The following PML variants were observed in gnomAD, a reference collection of about 807,000 sequenced individuals.
PML encodes the protein protein PML.
A neutral mutation model predicts 65.2 loss-of-function variants in PML; 28 were observed. The observed-to-expected ratio is 0.43, with a 90% CI of 0.32 to 0.59. The LOEUF (loss-of-function observed/expected upper bound fraction) is 0.59, where lower values mean the gene tolerates loss of function less well. Among genes scored for constraint, PML ranks in the 20% least tolerant of loss-of-function variants. The probability of loss-of-function intolerance (pLI) is 0.08; values close to 1 mark genes in which losing one functional copy is unlikely to be tolerated. For missense variants in PML, 1,021 were observed against 1,203.4 expected, an observed-to-expected ratio of 0.85 and a Z score of 2.24; for synonymous variants, 500 against 508.8, an observed-to-expected ratio of 0.98 and a Z score of 0.23.
Position 74,022,948 on chromosome 15 carries a change from C to T in PML, c.723C>T (p.Asp241=), listed in dbSNP as rs527374805. Residue 241 remains aspartate (D), a synonymous_variant, in exon 3 of 9, where the codon GAC becomes GAT. Transcript: ENST00000268058. ...AEIQQRQEEL[D]AMTQALQEQD... ...TCCAGCAGCGACAGGAGGAGCTGGACGCCATGACGCAGGCGCTGCAGGAGC... is the reference window on the plus strand; with the variant it reads ...TCCAGCAGCGACAGGAGGAGCTGGATGCCATGACGCAGGCGCTGCAGGAGC... The T allele has an allele frequency of 4.2e-5, 67 of 1,611,264 alleles. No homozygotes were observed. In the South Asian group the frequency reaches 6.7e-4, roughly 16 times the overall value.
At chr15:74,034,667 G>C in intron 7 of PML, 137 bp downstream of exon 7, 2 of 1,586,416 alleles carry the variant, frequency 1.3e-6, no homozygotes, top group Non-Finnish European at 1.7e-6. Flanking sequence ...GTCCCAAGCT[G>C]TGCTGAGGAC....
chr15:74,029,400 G>C (rs2071219573), intron 4 of PML, among the ~76,000 whole-genome samples: 1 of 152,170 alleles, frequency 6.6e-6, no homozygotes, highest in African/African-American at 2.4e-5. Flanking sequence ...GAGGCAAGTG[G>C]ATCACCTGAG....
At position 74,044,811 on chromosome 15, in the gene PML, G is replaced by C. The variant is rs754603424; in HGVS notation, c.2452G>C (p.Gly818Arg). 4 of 1,613,212 alleles carry C rather than the reference G, an allele frequency of 2.5e-6. No individual in the cohort carries two copies. Among genetic ancestry groups the C allele is most frequent in the Admixed American group, 3.3e-5 (2 of 60,034 alleles). The change falls in exon 9 of 9, where the codon GGG becomes CGG. Residue 818 changes from glycine (G) to arginine (R), a missense_variant. Physicochemically the swap from Gly to Arg is moderately radical, Grantham distance 125. Transcript: ENST00000268058. ...GAGTGCACACCGCCGTGACCGGCAG[G>C]GGGGCCTGAAGAAGTACAGCCGCTA... The part of the protein sequence containing the change: ...LLSAHRRDRQ[G>R]GLKKYSRYLS...
chr15:74,016,296 A>T (rs896308252), intron 2 of PML, among the ~76,000 whole-genome samples: 4 of 151,908 alleles, frequency 2.6e-5, no homozygotes, highest in African/African-American at 4.8e-5. Context: ...AATAAATAAA[A>T]ATAAATAAAT....
rs897504632 is a variant in PML, at chr15:74,008,656, G to A, written c.602+10180G>A. 4.6e-5 allele frequency among the ~76,000 whole-genome samples: 7 copies of A among 151,864 alleles called. 1 individual carries two copies. In the East Asian group the frequency reaches 5.8e-4, roughly 13 times the overall value. ...TAGGAGGCTGAGGCGGGAGAATGGCGTGAACCCAGGAGGCGGAGCTTGCAG... is the reference window on the plus strand; with the variant it reads ...TAGGAGGCTGAGGCGGGAGAATGGCATGAACCCAGGAGGCGGAGCTTGCAG... On this transcript the variant is annotated intron_variant, in intron 2 of 8. Transcript: ENST00000268058.
intron 2 of PML, among the ~76,000 whole-genome samples, chr15:74,003,111 G>A (rs1411077901): frequency 6.6e-6 from 1 of 151,806 alleles, no homozygotes; most frequent in East Asian, 1.9e-4. Context: ...TCCAGCCTGG[G>A]TGACACAATG....
intron 1 of PML, among the ~76,000 whole-genome samples, chr15:73,995,801 C>A (rs996374073): frequency 2.0e-5 from 3 of 152,308 alleles, no homozygotes; most frequent in African/African-American, 7.2e-5. Context: ...GTCGCCCAGG[C>A]TGGAGTGCAA....
In PML at chr15:74,035,631, C is replaced by T. The variant is rs377295816; in HGVS notation, c.1710+1101C>T. On this transcript the variant is annotated intron_variant, in intron 7 of 8. Coordinates refer to ENST00000268058, the MANE Select transcript of PML (RefSeq NM_033238.3). This position sits in a 1 kb window ranked among gnomAD's most constrained non-coding sequence, Gnocchi z 4.1. ...GCAAAGGGGCATCAGCCCACCCCAC[C>T]GGATACGAGGGGCTGTGCGATCCCG... 3.7e-6 allele frequency: 6 copies of T among 1,613,840 alleles called. No individual in the cohort carries two copies. The highest frequency in any genetic ancestry group is 1.6e-4 in the Middle Eastern group (1 of 6,062).
At chr15:74,018,504 T>C (rs1308238567) in intron 2 of PML, among the ~76,000 whole-genome samples, 1 of 151,914 alleles carries the variant, frequency 6.6e-6, no homozygotes, top group Non-Finnish European at 1.5e-5. Flanking sequence ...TTGTACCTTC[T>C]TTTTTTTAAT....
intron 2 of PML, among the ~76,000 whole-genome samples, chr15:74,004,500 C>T (rs2069939254): frequency 6.6e-6 from 1 of 152,126 alleles, no homozygotes; most frequent in African/African-American, 2.4e-5. Context: ...TAGGGTCTCA[C>T]TATATTGCCC....
At chr15:74,024,083 CA>C (rs976194076) in intron 3 of PML, among the ~76,000 whole-genome samples, 1 of 151,884 alleles carries the variant, frequency 6.6e-6, no homozygotes, top group Non-Finnish European at 1.5e-5. Flanking sequence ...TTAGCTGGAA[CA>C]GGGGGGCTTT....
chr15:74,036,393 C>T lies in PML; in HGVS notation c.1710+1863C>T, dbSNP rs192800282. The T allele has an allele frequency of 2.2e-6, 3 of 1,354,102 alleles. No homozygotes were observed. In the Admixed American group the frequency reaches 9.2e-5, roughly 42 times the overall value. 83.9% of individuals were successfully genotyped at this position (1,354,102 alleles called of 1,614,324 possible). Reference sequence around the variant, plus strand: ...GCTCAATAAACACTTGTTGAACCATCACCCTTGCGAACCCTTATTCCACGA... The same window carrying T: ...GCTCAATAAACACTTGTTGAACCATTACCCTTGCGAACCCTTATTCCACGA... On this transcript the variant is annotated intron_variant, in intron 7 of 8. Transcript: ENST00000268058.
Position 73,998,060 on chromosome 15 carries a change from G to A in PML, c.186G>A (p.Ala62=). ...FQFLRCQQCQ[A]EAKCPKLLPC... is the part of the protein sequence containing the mutation. ...TTCTGCGCTGCCAGCAATGCCAGGCGGAAGCCAAGTGCCCGAAGCTGCTGC... is the reference window on the plus strand; with the variant it reads ...TTCTGCGCTGCCAGCAATGCCAGGCAGAAGCCAAGTGCCCGAAGCTGCTGC... Residue 62 remains alanine (A), a synonymous_variant, in exon 2 of 9, where the codon GCG becomes GCA. Coordinates refer to ENST00000268058, the MANE Select transcript of PML (RefSeq NM_033238.3). 6.2e-7 allele frequency: 1 copy of A among 1,613,354 alleles called. No individual in the cohort carries two copies. Among genetic ancestry groups the A allele is most frequent in the South Asian group, 1.1e-5 (1 of 91,050 alleles).
intron 2 of PML, among the ~76,000 whole-genome samples, chr15:74,014,874 G>A (rs920608349): frequency 6.6e-6 from 1 of 152,186 alleles, no homozygotes; most frequent in African/African-American, 2.4e-5. Context: ...GAGAAACAGG[G>A]AACCCACGTG....
At chr15:74,039,094 G>A (rs2071640102) in intron 7 of PML, among the ~76,000 whole-genome samples, 1 of 152,238 alleles carries the variant, frequency 6.6e-6, no homozygotes, top group African/African-American at 2.4e-5. Context: ...GGTGGCAGCA[G>A]CAACAGGAGG....
chr15:74,019,014 G>A (rs1426951909), intron 2 of PML, among the ~76,000 whole-genome samples: 2 of 152,178 alleles, frequency 1.3e-5, no homozygotes, highest in African/African-American at 2.4e-5. Flanking sequence ...GTCATTCCTG[G>A]CCCTGGGTGG....
In PML at chr15:74,047,000, C is replaced by A; in HGVS notation, c.*1992C>A. On this transcript the variant is annotated 3_prime_UTR_variant, in exon 9 of 9. Transcript: ENST00000268058. ...CCCCCCACATGACAAGTGGGGAGAC[C>A]CAGGGTAGGCTTTCCTTTGGATCAT... The A allele has an allele frequency of 1.3e-5, 3 of 229,590 alleles. No homozygotes were observed. Among genetic ancestry groups the A allele is most frequent in the Non-Finnish European group, 8.6e-6 (1 of 115,840 alleles). The allele number at this position is 229,590 out of a possible 1,614,324, so 14.2% of individuals were successfully genotyped here. A position where few individuals can be genotyped will look rare whatever the true frequency, so the allele number is the denominator to read the frequency against.
chr15:73,996,060 T>A (rs2069487020), intron 1 of PML, among the ~76,000 whole-genome samples: 1 of 152,234 alleles, frequency 6.6e-6, no homozygotes. Flanking sequence ...CCTGTTTTTG[T>A]ATTTTACAAA....
chr15:74,034,385 C>A, intron 6 of PML, 93 bp from the exon 7 acceptor site: 1 of 1,561,342 alleles, frequency 6.4e-7, no homozygotes, highest in Non-Finnish European at 8.8e-7. Context: ...CCCCAGCCGA[C>A]TGGCCTGCAA....
Sources: allele counts gnomAD v4.1 joint callset (sites outside exome capture counted in the v4.1 genomes callset), GRCh38; gene constraint gnomAD v4.1.1; non-coding constraint Gnocchi (gnomAD v3.1); transcripts MANE v1.5; gene names NCBI Gene and HGNC (gene_info 2026-07-23, HGNC 2026-07-21).